Variants in KLRG1 observed in about 807,000 individuals in gnomAD.
The protein encoded by KLRG1 is killer cell lectin-like receptor subfamily G member 1.
KLRG1 carries 16 observed loss-of-function variants against 21.8 expected under a neutral mutation model. That is an observed-to-expected ratio of 0.73 (90% confidence interval 0.50 to 1.11). The LOEUF (loss-of-function observed/expected upper bound fraction) is 1.11. Ranked by LOEUF, KLRG1 falls within the 50% of genes most tolerant of loss-of-function variation. The pLI is 0.00. For synonymous variants in KLRG1, 69 were observed against 75.9 expected (o/e 0.91, Z 0.47); for missense variants, 173 against 218.3 (o/e 0.79, Z 1.31).
chr12:9,162,466 A>G, the KLRG1 span: 166 of 675,366 alleles, frequency 2.5e-4, no homozygotes, highest in Middle Eastern at 2.2e-3. Context: ...ACATAAAGAA[A>G]TATTTAGTAT....
At chr12:9,079,160 AGT>A in the KLRG1 span, 2 of 1,012,016 alleles carry the variant, frequency 2.0e-6, no homozygotes, top group Non-Finnish European at 3.0e-6. Context: ...CATATCTGAT[AGT>A]GTTGCTGTGA....
chr12:9,040,212 A>G, the KLRG1 span, among the ~76,000 whole-genome samples: 3 of 152,232 alleles, frequency 2.0e-5, no homozygotes, highest in Non-Finnish European at 4.4e-5. Flanking sequence ...GCACAGACTC[A>G]TTACAGAATC....
the KLRG1 span, among the ~76,000 whole-genome samples, chr12:9,140,887 C>T: frequency 1.2e-4 from 18 of 152,282 alleles, no homozygotes; most frequent in East Asian, 2.5e-3. Context: ...CAGCACACCT[C>T]TCCAGTCAAA....
At chr12:9,081,121 C>A in the KLRG1 span, among the ~76,000 whole-genome samples, 1 of 151,894 alleles carries the variant, frequency 6.6e-6, no homozygotes, top group African/African-American at 2.4e-5. Flanking sequence ...AAAATATCTG[C>A]AACATATTCA....
intron 1 of KLRG1, among the ~76,000 whole-genome samples, chr12:8,955,375 ATTTTTTTTTTTTTT>A (rs61263683): frequency 4.1e-4 from 29 of 71,330 alleles, no homozygotes; most frequent in East Asian, 9.2e-4. Context: ...TATTGCTCTG[ATTTTTTTTTTTTTT>A]TTTTTTTTTT....
chr12:9,200,326 C>G, the KLRG1 span: 3 of 1,469,582 alleles, frequency 2.0e-6, no homozygotes, highest in African/African-American at 2.8e-5. Context: ...AAAATTGAGG[C>G]AAAATATAAA....
At chr12:9,086,348 CA>C in the KLRG1 span, among the ~76,000 whole-genome samples, 1 of 152,128 alleles carries the variant, frequency 6.6e-6, no homozygotes, top group African/African-American at 2.4e-5. Context: ...GGGAACACAG[CA>C]AAAGCTCATC....
chr12:9,090,171 T>A, the KLRG1 span: 1 of 1,367,542 alleles, frequency 7.3e-7, no homozygotes, highest in Non-Finnish European at 1.0e-6. Context: ...GAGAGGTGAA[T>A]GATACTGAGA....
At chr12:9,194,462 G>GTTTTT in the KLRG1 span, among the ~76,000 whole-genome samples, 1 of 90,804 alleles carries the variant, frequency 1.1e-5, no homozygotes, top group Non-Finnish European at 2.3e-5. Context: ...AAGTCAGGGA[G>GTTTTT]TTTTTTTTTT....
the KLRG1 span, among the ~76,000 whole-genome samples, chr12:9,136,162 A>G: frequency 2.6e-5 from 4 of 152,354 alleles, no homozygotes; most frequent in Non-Finnish European, 5.9e-5. Flanking sequence ...AGAATCTGCC[A>G]TGGCAACGGG....
In KLRG1 at chr12:9,009,858, T is replaced by C. The variant is rs1348403935; in HGVS notation, c.*321T>C. 1.4e-6 allele frequency: 2 copies of C among 1,472,212 alleles called. No individual in the cohort carries two copies. The highest frequency in any genetic ancestry group is 1.3e-5 in the South Asian group (1 of 75,018). The allele number at this position is 1,472,212 out of a possible 1,614,324, so 91.2% of individuals were successfully genotyped here. A position where few individuals can be genotyped will look rare whatever the true frequency, so the allele number is the denominator to read the frequency against. ...GTCCCAACCATCTCTGTCAAAAATATACCTTTTTCATATGATATTCTGAGC... is the reference window on the plus strand; with the variant it reads ...GTCCCAACCATCTCTGTCAAAAATACACCTTTTTCATATGATATTCTGAGC... On this transcript the variant is annotated 3_prime_UTR_variant, in exon 5 of 5. Transcript: ENST00000356986.
chr12:9,119,389 C>T, the KLRG1 span, among the ~76,000 whole-genome samples: 33 of 151,992 alleles, frequency 2.2e-4, no homozygotes, highest in African/African-American at 7.5e-4. Context: ...TGTCAAGTGC[C>T]GCTGTGAAAT....
chr12:9,026,022 G>A, the KLRG1 span, among the ~76,000 whole-genome samples: 16 of 152,208 alleles, frequency 1.1e-4, no homozygotes, highest in Non-Finnish European at 1.8e-4. Flanking sequence ...GGGTGAGGCA[G>A]GGGGCCGAAC....
the KLRG1 span, among the ~76,000 whole-genome samples, chr12:9,196,034 T>A: frequency 1.8e-4 from 28 of 152,112 alleles, no homozygotes; most frequent in Non-Finnish European, 3.8e-4. Flanking sequence ...GATAGAAATA[T>A]CATTTATTCT....
chr12:9,211,747 G>A, the KLRG1 span, among the ~76,000 whole-genome samples: 1 of 152,216 alleles, frequency 6.6e-6, no homozygotes, highest in Non-Finnish European at 1.5e-5. Context: ...GGTTTTACAG[G>A]TAAAGATCCT....
At chr12:9,072,019 A>G in the KLRG1 span, among the ~76,000 whole-genome samples, 2 of 152,202 alleles carry the variant, frequency 1.3e-5, no homozygotes, top group Admixed American at 6.5e-5. Flanking sequence ...CTTCTATTCA[A>G]ACTTTTCAAT....
At chr12:9,024,018 A>ATTTTTTTTTTT in the KLRG1 span, among the ~76,000 whole-genome samples, 5 of 70,936 alleles carry the variant, frequency 7.0e-5, 1 homozygote, top group African/African-American at 2.9e-4. Flanking sequence ...GAACACATGG[A>ATTTTTTTTTTT]TTTTTTTTTT....
the KLRG1 span, among the ~76,000 whole-genome samples, chr12:9,199,871 G>A: frequency 6.6e-6 from 1 of 152,084 alleles, no homozygotes; most frequent in Non-Finnish European, 1.5e-5. Context: ...CCGTTGTAGA[G>A]AGTTTGGAAA....
chr12:9,091,905 T>A, the KLRG1 span, among the ~76,000 whole-genome samples: 15 of 152,320 alleles, frequency 9.8e-5, no homozygotes, highest in East Asian at 2.5e-3. Context: ...TGCACAAAAT[T>A]TTTTAGCTCT....
Sources: allele counts gnomAD v4.1 joint callset (sites outside exome capture counted in the v4.1 genomes callset), GRCh38; gene constraint gnomAD v4.1.1; transcripts MANE v1.5; gene names NCBI Gene and HGNC (gene_info 2026-07-23, HGNC 2026-07-21).